Variants in RGS22 observed in about 807,000 individuals in gnomAD.
RGS22 encodes the protein regulator of G-protein signaling 22.
RGS22 carries 148 observed loss-of-function variants against 172.9 expected under a neutral mutation model. That is an observed-to-expected ratio of 0.86 (90% CI 0.75 to 0.98). RGS22 has a LOEUF of 0.98. RGS22 is among the 50% of genes least tolerant of loss of function. The pLI, the probability that RGS22 is intolerant of heterozygous loss-of-function variation, is 0.00. For missense variants in RGS22, 1,347 were observed against 1,440.8 expected (o/e 0.93, Z 1.05); for synonymous variants, 458 against 480.2 (o/e 0.95, Z 0.60).
At chr8:100,057,851 C>T (rs868452303) in intron 9 of RGS22, among the ~76,000 whole-genome samples, 6 of 152,072 alleles carry the variant, frequency 3.9e-5, no homozygotes, top group Admixed American at 2.0e-4. Flanking sequence ...AAAAAACAAC[C>T]TCACCAAATG....
intron 14 of RGS22, among the ~76,000 whole-genome samples, chr8:100,011,897 A>C (rs1816422872): frequency 6.6e-6 from 1 of 152,172 alleles, no homozygotes; most frequent in African/African-American, 2.4e-5. Flanking sequence ...TGGAAAGTAC[A>C]AATATGTGGG....
At chr8:99,964,745 C>A (rs1462382946) in intron 24 of RGS22, among the ~76,000 whole-genome samples, 2 of 152,088 alleles carry the variant, frequency 1.3e-5, no homozygotes, top group Non-Finnish European at 2.9e-5. Flanking sequence ...ATTTGACATT[C>A]CTAAATGCCA....
intron 17 of RGS22, 32 bp downstream of exon 17, chr8:100,003,894 T>G: frequency 6.7e-7 from 1 of 1,484,890 alleles, no homozygotes; most frequent in African/African-American, 1.4e-5. Flanking sequence ...GAAAAATGTT[T>G]TCAGTGAGAA....
Position 100,097,362 on chromosome 8 carries a change from T to A in RGS22, c.55-3853A>T, listed in dbSNP as rs558166470. ...AACTAATATTGAATATTATTAATAG[T>A]TCATGATACTTATGAAGTATTTACA... On this transcript the variant is annotated intron_variant, in intron 2 of 27. Transcript: ENST00000360863. 2.0e-5 allele frequency among the ~76,000 whole-genome samples: 3 copies of A among 152,352 alleles called. No homozygotes were observed. In the East Asian group the frequency reaches 5.8e-4, roughly 29 times the overall value.
intron 3 of RGS22, among the ~76,000 whole-genome samples, chr8:100,083,840 T>G (rs1430240377): frequency 1.3e-5 from 2 of 150,102 alleles, no homozygotes; most frequent in African/African-American, 4.9e-5. Flanking sequence ...CTTTTTTTTT[T>G]TTTTTTTTGT....
At chr8:100,093,228 A>G (rs1312441787) in intron 3 of RGS22, 3 of 442,732 alleles carry the variant, frequency 6.8e-6, no homozygotes, top group South Asian at 6.8e-5. Flanking sequence ...ATGCTTTTTA[A>G]TGGTTAGAAA....
At chr8:100,064,311 T>C (rs1461676631) in intron 7 of RGS22, among the ~76,000 whole-genome samples, 1 of 151,788 alleles carries the variant, frequency 6.6e-6, no homozygotes, top group Non-Finnish European at 1.5e-5. Context: ...CTACTAAAAA[T>C]ACAAAAATTA....
Position 100,083,379 on chromosome 8 carries a change from T to G in RGS22, c.118-3024A>C, listed in dbSNP as rs187332955. On this transcript the variant is annotated intron_variant, in intron 3 of 27. Coordinates refer to ENST00000360863, the MANE Select transcript of RGS22 (RefSeq NM_015668.5). ...GCAGGTAGTTAACAATTACTTTTGGTTTTTTTTGAGACTGAGTCTTGCTCT... is the reference window on the plus strand; with the variant it reads ...GCAGGTAGTTAACAATTACTTTTGGGTTTTTTTGAGACTGAGTCTTGCTCT... Among the ~76,000 whole-genome samples, 340 of 152,034 alleles carry G rather than the reference T, an allele frequency of 2.2e-3. 3 individuals are homozygous for G. Among genetic ancestry groups the G allele is most frequent in the African/African-American group, 7.9e-3 (328 of 41,492 alleles).
Position 99,983,011 on chromosome 8 carries a change from T to C in RGS22, c.3181-895A>G, listed in dbSNP as rs142923182. ...TCTATTATTCCCATATTTATGTCCA[T>C]GTGTGCCCAATGTTGAGCTCCCACT... On this transcript the variant is annotated intron_variant, in intron 21 of 27. Transcript: ENST00000360863. Among the ~76,000 whole-genome samples the C allele has an allele frequency of 3.8e-3, 577 of 152,286 alleles. 4 individuals are homozygous for C. The highest frequency in any genetic ancestry group is 0.013 in the African/African-American group (553 of 41,562).
At chr8:100,017,285 T>C (rs917086608) in intron 14 of RGS22, among the ~76,000 whole-genome samples, 1 of 152,084 alleles carries the variant, frequency 6.6e-6, no homozygotes, top group African/African-American at 2.4e-5. Flanking sequence ...CCCAGTCCTT[T>C]ATTGAAAAAT....
chr8:99,973,368 C>T (rs1811579351), intron 23 of RGS22, among the ~76,000 whole-genome samples: 1 of 152,066 alleles, frequency 6.6e-6, no homozygotes. Context: ...TTTGCAGGGA[C>T]ATGAATGAAG....
chr8:100,048,660 T>C (rs964434661), intron 10 of RGS22, among the ~76,000 whole-genome samples: 1 of 152,126 alleles, frequency 6.6e-6, no homozygotes, highest in Non-Finnish European at 1.5e-5. Flanking sequence ...TAACTTCCCA[T>C]ATATAAGGGC....
chr8:100,052,887 C>A lies in RGS22; in HGVS notation c.1604G>T (p.Arg535Met). ...KFWHLRQAKP[R>M]KDIDPFPQMA... ...TTGTGGAAAAGGGTCAATATCCTTC[C>A]TTGGTTTTGCTTGACGGAGGTGCCA... The change falls in exon 10 of 28, where the codon AGG (arginine) becomes ATG (methionine). Residue 535 changes from arginine to methionine, a missense_variant. Coordinates refer to ENST00000360863, the MANE Select transcript of RGS22 (RefSeq NM_015668.5). 6.2e-7 allele frequency: 1 copy of A among 1,614,052 alleles called. No individual in the cohort carries two copies. The highest frequency in any genetic ancestry group is 8.5e-7 in the Non-Finnish European group (1 of 1,179,994).
intron 20 of RGS22, among the ~76,000 whole-genome samples, chr8:99,989,857 CAGACAGATAGATAGATAGATAGAT>C (rs1392728511): frequency 7.3e-6 from 1 of 137,740 alleles, no homozygotes; most frequent in African/African-American, 2.7e-5. Flanking sequence ...GATAGATAGA[CAGACAGATAGATAGATAGATAGAT>C]AGATAGATAG....
Position 99,998,625 on chromosome 8 carries a change from A to T in RGS22, c.2949+637T>A, listed in dbSNP as rs554774623. 2.6e-5 allele frequency among the ~76,000 whole-genome samples: 4 copies of T among 151,896 alleles called. No homozygotes were observed. In the East Asian group the frequency reaches 7.7e-4, roughly 29 times the overall value. On this transcript the variant is annotated intron_variant, in intron 19 of 27. Coordinates refer to ENST00000360863, the MANE Select transcript of RGS22 (RefSeq NM_015668.5). The stretch of plus-strand genomic sequence containing the variant: ...AAAAACCAAAAACTTGGGAATTTTG[A>T]CTCCATGCTTTTTTAAAAAAAAATT...
At chr8:99,994,872 A>G (rs1272024307) in intron 20 of RGS22, among the ~76,000 whole-genome samples, 2 of 152,232 alleles carry the variant, frequency 1.3e-5, no homozygotes, top group African/African-American at 4.8e-5. Context: ...ACTACATTGC[A>G]AGTCTATAGT....
At chr8:100,030,598 G>C (rs1158649277) in intron 14 of RGS22, among the ~76,000 whole-genome samples, 1 of 152,074 alleles carries the variant, frequency 6.6e-6, no homozygotes, top group Non-Finnish European at 1.5e-5. Flanking sequence ...TCCTACAAAG[G>C]AGCAATGGCA....
At chr8:100,079,449 T>C (rs1811589871) in intron 4 of RGS22, among the ~76,000 whole-genome samples, 1 of 152,170 alleles carries the variant, frequency 6.6e-6, no homozygotes, top group South Asian at 2.1e-4. Flanking sequence ...AGAGTAGATC[T>C]ATGTCTTAAA....
chr8:100,082,466 G>A (rs1376351133), intron 3 of RGS22, among the ~76,000 whole-genome samples: 1 of 152,194 alleles, frequency 6.6e-6, no homozygotes, highest in African/African-American at 2.4e-5. Flanking sequence ...CTACAGATAA[G>A]TGAGAACATG....
Sources: allele counts gnomAD v4.1 joint callset (sites outside exome capture counted in the v4.1 genomes callset), GRCh38; gene constraint gnomAD v4.1.1; transcripts MANE v1.5; gene names NCBI Gene and HGNC (gene_info 2026-07-23, HGNC 2026-07-21).